The following KIF23 variants were observed in gnomAD, a reference collection of about 807,000 sequenced individuals.
The protein encoded by KIF23 is kinesin family member 23, also known as kinesin-like protein KIF23.
Under a neutral mutation model 137.5 loss-of-function variants are expected in KIF23, and 30 were observed. The ratio of observed to expected loss-of-function variants is 0.22; its 90% CI spans 0.16 to 0.30. The LOEUF (loss-of-function observed/expected upper bound fraction) is 0.30. Ranked by LOEUF, KIF23 falls within the 10% of genes least tolerant of loss-of-function variation. The pLI is 1.00. For missense variants in KIF23, 920 were observed against 1,194.3 expected, an observed-to-expected ratio of 0.77 and a Z score of 3.38; for synonymous variants, 367 against 391.1, an observed-to-expected ratio of 0.94 and a Z score of 0.73.
chr15:69,426,250 A>T (rs2057187784), intron 9 of KIF23, 68 bp downstream of exon 9: 18 of 1,597,972 alleles, frequency 1.1e-5, no homozygotes, highest in Non-Finnish European at 1.5e-5. Flanking sequence ...ACTAAGTTTG[A>T]TGGCAATTTT....
chr15:69,440,695 A>C (rs964534215), intron 18 of KIF23, 73 bp from the exon 19 acceptor site: 12 of 1,323,708 alleles, frequency 9.1e-6, no homozygotes, highest in African/African-American at 2.9e-5. Context: ...ATGTGCTAAC[A>C]TTATAGAAAA....
chr15:69,416,709 C>T (rs2056919103), intron 2 of KIF23, among the ~76,000 whole-genome samples: 1 of 152,166 alleles, frequency 6.6e-6, no homozygotes, highest in Non-Finnish European at 1.5e-5. Flanking sequence ...AATCCCAGCA[C>T]TTTGGGAGGC....
At chr15:69,421,544 G>C (rs2057056020) in intron 3 of KIF23, 103 bp from the exon 4 acceptor site, 2 of 707,822 alleles carry the variant, frequency 2.8e-6, no homozygotes, top group Admixed American at 2.3e-5. Context: ...TTCTTTGCAT[G>C]CTTAGATCTT....
At chr15:69,421,908 T>C (rs2057066989) in intron 4 of KIF23, 84 bp from the exon 5 acceptor site, 7 of 1,525,440 alleles carry the variant, frequency 4.6e-6, no homozygotes, top group Non-Finnish European at 6.3e-6. Flanking sequence ...GCTGGCTAAT[T>C]GTTAGTGTTT....
At chr15:69,441,521 G>A (rs557710890) in intron 19 of KIF23, among the ~76,000 whole-genome samples, 1 of 152,202 alleles carries the variant, frequency 6.6e-6, no homozygotes, top group African/African-American at 2.4e-5. Flanking sequence ...CCAAAGCAAA[G>A]TAGAAAGAAT....
chr15:69,445,723 A>T (rs940338587), intron 20 of KIF23, among the ~76,000 whole-genome samples: 1 of 152,210 alleles, frequency 6.6e-6, no homozygotes, highest in African/African-American at 2.4e-5. Context: ...CTTGATCCTT[A>T]GTGCAGTTTA....
At chr15:69,416,127 C>G (rs905637488) in intron 2 of KIF23, 64 bp downstream of exon 2, 4 of 1,052,140 alleles carry the variant, frequency 3.8e-6, no homozygotes, top group Non-Finnish European at 2.8e-6. Flanking sequence ...TCCTTTCTGT[C>G]TTATGTGTAT....
chr15:69,440,153 AATT>A (rs1174594712), intron 17 of KIF23, 76 bp downstream of exon 17: 2 of 1,530,914 alleles, frequency 1.3e-6, no homozygotes, highest in East Asian at 4.5e-5. Context: ...CGATATTTTG[AATT>A]ATTGTATTTG....
chr15:69,421,002 A>C (rs953038435), intron 3 of KIF23, among the ~76,000 whole-genome samples: 12 of 152,220 alleles, frequency 7.9e-5, no homozygotes, highest in Admixed American at 3.3e-4. Flanking sequence ...ATTTCCACAA[A>C]TCTGTGACTA....
At chr15:69,427,755 G>C (rs1005452042) in intron 10 of KIF23, among the ~76,000 whole-genome samples, 2 of 152,264 alleles carry the variant, frequency 1.3e-5, no homozygotes, top group South Asian at 2.1e-4. Flanking sequence ...TATTCAAACT[G>C]TATCATGAAA....
At chr15:69,423,036 T>C (rs1254568102) in intron 6 of KIF23, 123 bp from the exon 7 acceptor site, 2 of 646,420 alleles carry the variant, frequency 3.1e-6, no homozygotes, top group African/African-American at 1.9e-5. Context: ...TGATCTCAGG[T>C]GATCCGCCTG....
chr15:69,429,039 A>G (rs187802298), intron 10 of KIF23, 72 bp from the exon 11 acceptor site: 26 of 987,638 alleles, frequency 2.6e-5, no homozygotes, highest in African/African-American at 1.6e-4. Context: ...GCTTGTTGAT[A>G]TGAATCTATT....
At chr15:69,445,706 C>T (rs552338787) in intron 20 of KIF23, among the ~76,000 whole-genome samples, 8 of 152,114 alleles carry the variant, frequency 5.3e-5, no homozygotes, top group Non-Finnish European at 1.0e-4. Flanking sequence ...AAACTTCCAG[C>T]AAATTTCTTG....
At chr15:69,429,560 C>T (rs1377346143) in intron 11 of KIF23, among the ~76,000 whole-genome samples, 3 of 152,082 alleles carry the variant, frequency 2.0e-5, no homozygotes, top group Admixed American at 6.5e-5. Flanking sequence ...CTCACCTTGG[C>T]CGCCCCAAAG....
Position 69,446,865 on chromosome 15 carries a change from T to C in KIF23, c.2839-6T>C. Reference sequence around the variant, plus strand: ...GATCTTTTTCCTCTTGTCATTTTCCTCTCAGTGTTCTGTGGCTGTGGAGAT... The same window carrying C: ...GATCTTTTTCCTCTTGTCATTTTCCCCTCAGTGTTCTGTGGCTGTGGAGAT... On this transcript the variant is annotated splice_region_variant and splice_polypyrimidine_tract_variant and intron_variant, in intron 22 of 23. Coordinates refer to ENST00000679126, the MANE Select transcript of KIF23 (RefSeq NM_001367805.3). 1 of 1,613,932 alleles carries C rather than the reference T, an allele frequency of 6.2e-7. No individual in the cohort carries two copies. The highest frequency in any genetic ancestry group is 1.1e-5 in the South Asian group (1 of 91,080).
At chr15:69,446,843 C>A (rs757591340) in intron 22 of KIF23, 28 bp from the exon 23 acceptor site, 1 of 1,604,684 alleles carries the variant, frequency 6.2e-7, no homozygotes, top group Non-Finnish European at 8.5e-7. Flanking sequence ...AGGAGCTGAT[C>A]TTTTTCCTCT....
chr15:69,440,387 C>G lies in KIF23; in HGVS notation c.2009C>G (p.Ala670Gly), dbSNP rs200923766. The G allele has an allele frequency of 2.5e-6, 4 of 1,613,938 alleles. No homozygotes were observed. The highest frequency in any genetic ancestry group is 3.4e-6 in the Non-Finnish European group (4 of 1,179,954). ...GATGAAAAGCTGAAACAACTGAAGG[C>G]TATTGTTACCGAACCTAAAACTGAG... ...VKDEKLKQLKAIVTEPKTEKP... is the reference protein window; with the variant it reads ...VKDEKLKQLKGIVTEPKTEKP... The change falls in exon 18 of 24, where the codon GCT becomes GGT. Residue 670 changes from alanine (A) to glycine (G), a missense_variant. Coordinates refer to ENST00000679126, the MANE Select transcript of KIF23 (RefSeq NM_001367805.3).
intron 5 of KIF23, 83 bp downstream of exon 5, chr15:69,422,211 C>T: frequency 6.7e-7 from 1 of 1,499,260 alleles, no homozygotes. Flanking sequence ...AGAACCAAAG[C>T]ACTGGATTCA....
rs2057607347 is a variant in KIF23 at position 69,441,060 on chromosome 15, A to G, written c.2402A>G (p.Glu801Gly). ...ACATTCAGAAATGAGATAGAAATAG[A>G]AGAGGATCATTGCGGCAGGGTTAGT... ...VPTFRNEIEI[E>G]EDHCGRLLFQ... Residue 801 changes from glutamate to glycine, a missense_variant, in exon 19 of 24, where the codon GAA becomes GGA. Physicochemically the swap from Glu to Gly is moderately conservative, Grantham distance 98. Coordinates refer to ENST00000679126, the MANE Select transcript of KIF23 (RefSeq NM_001367805.3). 1.2e-6 allele frequency: 2 copies of G among 1,612,158 alleles called. No homozygotes were observed. Among genetic ancestry groups the G allele is most frequent in the Non-Finnish European group, 1.7e-6 (2 of 1,178,388 alleles).
Sources: gnomAD v4.1 joint callset for allele counts (sites outside exome capture counted in the v4.1 genomes callset) on GRCh38, gnomAD v4.1.1 for gene constraint, MANE v1.5 for transcripts, NCBI Gene and HGNC (gene_info 2026-07-23, HGNC 2026-07-21) for gene names.